Variants in VAV3 observed in about 807,000 individuals in gnomAD.
VAV3 encodes guanine nucleotide exchange factor VAV3.
Under a neutral mutation model 131.2 loss-of-function variants are expected in VAV3, and 94 were observed. The ratio of observed to expected loss-of-function variants is 0.72; its 90% CI spans 0.61 to 0.85. The LOEUF (loss-of-function observed/expected upper bound fraction) is 0.85. VAV3 is among the 40% of genes least tolerant of loss of function. The pLI, the probability that VAV3 is intolerant of heterozygous loss-of-function variation, is 0.00. For synonymous variants in VAV3, 349 were observed against 342.0 expected (o/e 1.02, Z -0.22); for missense variants, 939 against 1,002.7 (o/e 0.94, Z 0.86).
At chr1:107,776,980 T>C (rs1048744758) in intron 4 of VAV3, among the ~76,000 whole-genome samples, 2 of 152,272 alleles carry the variant, frequency 1.3e-5, no homozygotes, top group Admixed American at 1.3e-4. Flanking sequence ...ACTTCTGTTA[T>C]GCCTTTGAGA....
intron 15 of VAV3, among the ~76,000 whole-genome samples, chr1:107,708,753 G>C (rs890174201): frequency 1.3e-5 from 2 of 151,860 alleles, no homozygotes; most frequent in Non-Finnish European, 2.9e-5. Flanking sequence ...TTCCAAACTG[G>C]GAACTTCAAA....
intron 20 of VAV3, among the ~76,000 whole-genome samples, chr1:107,630,345 G>A (rs61798873): frequency 0.39 from 58,040 of 148,362 alleles, 11,586 homozygotes; most frequent in East Asian, 0.48. Flanking sequence ...AAGAATGGAT[G>A]GGAGGATGGA....
At chr1:107,583,794 T>G (rs566231493) in intron 25 of VAV3, among the ~76,000 whole-genome samples, 27 of 152,216 alleles carry the variant, frequency 1.8e-4, no homozygotes, top group Admixed American at 1.8e-3. Flanking sequence ...TGTTCATGGG[T>G]AGGAAGAATC....
Position 107,704,602 on chromosome 1 carries a change from T to C in VAV3, c.1653A>G (p.Ala551=), listed in dbSNP as rs1660332792. Residue 551 remains alanine, a synonymous_variant, in exon 17 of 27, where the codon GCA becomes GCG. Coordinates refer to ENST00000370056, the MANE Select transcript of VAV3 (RefSeq NM_006113.5). ...CTACTCTTCCCAAACATTCTTTGTG[T>C]GCTCTCGCTCCACACTTAAAACATA... ...GYLCFKCGAR[A]HKECLGRVDN... is the part of the protein sequence containing the mutation. 6.2e-7 allele frequency: 1 copy of C among 1,613,874 alleles called. No homozygotes were observed. Among genetic ancestry groups the C allele is most frequent in the Admixed American group, 1.7e-5 (1 of 59,996 alleles).
intron 1 of VAV3, among the ~76,000 whole-genome samples, chr1:107,961,448 G>A (rs1675079835): frequency 6.6e-6 from 1 of 152,034 alleles, no homozygotes; most frequent in Non-Finnish European, 1.5e-5. Context: ...CATGCTTTGT[G>A]TCCTGGCTAG....
At chr1:107,778,565 A>G (rs1665505254) in intron 3 of VAV3, among the ~76,000 whole-genome samples, 1 of 152,198 alleles carries the variant, frequency 6.6e-6, no homozygotes, top group African/African-American at 2.4e-5. Flanking sequence ...CTGTACCAGC[A>G]GGGCATTTTT....
intron 17 of VAV3, among the ~76,000 whole-genome samples, chr1:107,698,491 G>A (rs1659883549): frequency 1.3e-5 from 2 of 152,218 alleles, no homozygotes; most frequent in East Asian, 3.8e-4. Flanking sequence ...TAGGTTAGGT[G>A]CATTGAATGC....
chr1:107,773,492 C>A (rs533494847), intron 4 of VAV3, among the ~76,000 whole-genome samples: 72 of 152,282 alleles, frequency 4.7e-4, no homozygotes, highest in Admixed American at 3.9e-4. Flanking sequence ...TCAGAGGAAA[C>A]CCACCAGTCC....
At chr1:107,895,888 G>C (rs1671547314) in intron 1 of VAV3, among the ~76,000 whole-genome samples, 1 of 152,036 alleles carries the variant, frequency 6.6e-6, no homozygotes, top group African/African-American at 2.4e-5. Context: ...TATGCATACT[G>C]AACTCACAGG....
rs1284522417 is a variant in VAV3, at chr1:107,603,089, C to T, written c.2090G>A (p.Arg697Lys). 1.2e-6 allele frequency: 2 copies of T among 1,613,626 alleles called. No individual in the cohort carries two copies. The highest frequency in any genetic ancestry group is 1.1e-5 in the South Asian group (1 of 91,012). The change falls in exon 23 of 27, where the codon AGG becomes AAG. Residue 697 changes from arginine to lysine, a missense_variant. Arg to Lys is a conservative substitution (Grantham distance 26). Coordinates refer to ENST00000370056, the MANE Select transcript of VAV3 (RefSeq NM_006113.5). Reference protein sequence around the residue: ...INRVNSTYLVRHRTKESGEYA... With the variant: ...INRVNSTYLVKHRTKESGEYA... The stretch of plus-strand genomic sequence containing the variant: ...TTCTCCTGACTCTTTGGTCCTGTGC[C>T]TCACAAGGTAAGTACTATTTACCCT...
chr1:107,717,423 T>A (rs901025272), intron 15 of VAV3, among the ~76,000 whole-genome samples: 1 of 152,232 alleles, frequency 6.6e-6, no homozygotes, highest in Admixed American at 6.5e-5. Flanking sequence ...GTCCCAGAGA[T>A]TCTGGTACGT....
At chr1:107,892,367 G>T (rs1358461520) in intron 1 of VAV3, among the ~76,000 whole-genome samples, 4 of 152,172 alleles carry the variant, frequency 2.6e-5, no homozygotes, top group Non-Finnish European at 5.9e-5. Flanking sequence ...CTGAGTACAA[G>T]ATTAGATGCT....
intron 20 of VAV3, among the ~76,000 whole-genome samples, chr1:107,642,077 A>C (rs1046876046): frequency 1.3e-5 from 2 of 152,190 alleles, no homozygotes; most frequent in Non-Finnish European, 2.9e-5. Context: ...ATAGTGTCAG[A>C]GGCGTGTGAA....
At chr1:107,744,921 A>T (rs1287955507) in intron 15 of VAV3, among the ~76,000 whole-genome samples, 1 of 152,228 alleles carries the variant, frequency 6.6e-6, no homozygotes, top group Non-Finnish European at 1.5e-5. Context: ...ATTTGCTCAA[A>T]TGCTCCTGTG....
chr1:107,875,065 G>A, intron 1 of VAV3, 48 bp from the exon 2 acceptor site: 2 of 1,466,720 alleles, frequency 1.4e-6, no homozygotes. Flanking sequence ...TATTCTGAAT[G>A]CTATCCACCC....
At chr1:107,680,341 T>TG (rs1658515652) in intron 19 of VAV3, among the ~76,000 whole-genome samples, 1 of 152,102 alleles carries the variant, frequency 6.6e-6, no homozygotes, top group Non-Finnish European at 1.5e-5. Context: ...AAAATGACTG[T>TG]GATTATGTAG....
At chr1:107,887,785 T>C (rs1473380318) in intron 1 of VAV3, among the ~76,000 whole-genome samples, 1 of 152,148 alleles carries the variant, frequency 6.6e-6, no homozygotes, top group Non-Finnish European at 1.5e-5. Flanking sequence ...CCCTCTCTGA[T>C]GTTTCATGAC....
chr1:107,658,192 T>C (rs1207461197), intron 19 of VAV3, among the ~76,000 whole-genome samples: 1 of 152,112 alleles, frequency 6.6e-6, no homozygotes, highest in Non-Finnish European at 1.5e-5. Context: ...AGTGAGAACA[T>C]GCGGTGTTTG....
At chr1:107,725,953 G>A (rs1274532365) in intron 15 of VAV3, among the ~76,000 whole-genome samples, 6 of 152,056 alleles carry the variant, frequency 3.9e-5, no homozygotes, top group African/African-American at 1.4e-4. Flanking sequence ...ACTGTCCTGG[G>A]TAGTGGGTAC....
Sources: gnomAD v4.1 joint callset for allele counts (sites outside exome capture counted in the v4.1 genomes callset) on GRCh38, gnomAD v4.1.1 for gene constraint, MANE v1.5 for transcripts, NCBI Gene and HGNC (gene_info 2026-07-23, HGNC 2026-07-21) for gene names.